Variants in CEMIP observed in about 807,000 individuals in gnomAD.
CEMIP encodes cell migration inducing hyaluronidase 1, also known as cell migration-inducing and hyaluronan-binding protein.
In CEMIP, 105 loss-of-function variants were observed where a neutral mutation model predicts 156.9. The ratio of observed to expected loss-of-function variants is 0.67; its 90% CI spans 0.57 to 0.79. The LOEUF (loss-of-function observed/expected upper bound fraction) is 0.79. CEMIP is among the 30% of genes least tolerant of loss of function. The pLI, the probability that CEMIP is intolerant of heterozygous loss-of-function variation, is 0.00. For synonymous variants in CEMIP, 676 were observed against 668.4 expected (o/e 1.01, Z -0.17); for missense variants, 1,457 against 1,769.4 (o/e 0.82, Z 3.17).
intron 12 of CEMIP, among the ~76,000 whole-genome samples, chr15:80,899,212 C>CAAA (rs761899088): frequency 3.9e-5 from 5 of 129,720 alleles, no homozygotes; most frequent in Non-Finnish European, 6.3e-5. Context: ...TACTCTGTCT[C>CAAA]AAAAAAAAAA....
chr15:80,868,678 C>A (rs1201470402), intron 1 of CEMIP, among the ~76,000 whole-genome samples: 3 of 152,218 alleles, frequency 2.0e-5, no homozygotes, highest in Non-Finnish European at 4.4e-5. Flanking sequence ...TTGTCACCTA[C>A]TTCCTGTGTG....
At chr15:80,796,094 T>G (rs1412516077) in intron 1 of CEMIP, among the ~76,000 whole-genome samples, 1 of 152,234 alleles carries the variant, frequency 6.6e-6, no homozygotes, top group Non-Finnish European at 1.5e-5. Context: ...TAGCATTTAA[T>G]AAGAGCTTAC....
chr15:80,901,397 A>G (rs1296616619), intron 12 of CEMIP, among the ~76,000 whole-genome samples: 1 of 152,116 alleles, frequency 6.6e-6, no homozygotes, highest in Non-Finnish European at 1.5e-5. Context: ...ATTGGATTAC[A>G]TTACGTTAAA....
intron 1 of CEMIP, among the ~76,000 whole-genome samples, chr15:80,832,460 A>G (rs906433): frequency 0.26 from 39,682 of 151,842 alleles, 5,225 homozygotes; most frequent in East Asian, 0.4. Flanking sequence ...GTAGATTTGC[A>G]AATCAGCAGG....
In CEMIP at chr15:80,879,738, C is replaced by G. The variant is rs769185497; in HGVS notation, c.264C>G (p.His88Gln). The G allele has an allele frequency of 1.9e-6, 3 of 1,614,088 alleles. No individual in the cohort carries two copies. The highest frequency in any genetic ancestry group is 1.3e-5 in the African/African-American group (1 of 74,926). The change falls in exon 5 of 30, where the codon CAC becomes CAG. Residue 88 changes from histidine (H) to glutamine (Q), a missense_variant. Coordinates refer to ENST00000394685, the MANE Select transcript of CEMIP (RefSeq NM_001293298.2). The stretch of plus-strand genomic sequence containing the variant: ...CAGGCAAGCTGGTCATTAAAGACCA[C>G]GACGAGCCGATTGTTTTGCGAACCC... ...SEGGKLVIKDHDEPIVLRTRH... is the reference protein window; with the variant it reads ...SEGGKLVIKDQDEPIVLRTRH...
At chr15:80,804,005 G>A (rs1448433531) in intron 1 of CEMIP, among the ~76,000 whole-genome samples, 1 of 152,234 alleles carries the variant, frequency 6.6e-6, no homozygotes, top group Non-Finnish European at 1.5e-5. Context: ...AGGCAAAGGA[G>A]AAGCAAAGGC....
intron 1 of CEMIP, among the ~76,000 whole-genome samples, chr15:80,846,688 C>T (rs1447154236): frequency 6.6e-6 from 1 of 152,134 alleles, no homozygotes; most frequent in Non-Finnish European, 1.5e-5. Context: ...CCGGTGGTCC[C>T]GATGCCACTA....
intron 14 of CEMIP, among the ~76,000 whole-genome samples, chr15:80,910,880 T>C (rs1346837121): frequency 6.6e-6 from 1 of 152,172 alleles, no homozygotes; most frequent in East Asian, 1.9e-4. Flanking sequence ...TGCTGGAAGA[T>C]GTAGGATTTT....
At chr15:80,826,447 T>C (rs1404040021) in intron 1 of CEMIP, among the ~76,000 whole-genome samples, 2 of 152,196 alleles carry the variant, frequency 1.3e-5, no homozygotes, top group Non-Finnish European at 2.9e-5. Context: ...TTAACACTTT[T>C]TGGTGCTGTC....
chr15:80,899,474 A>AGATG (rs1284206652), intron 12 of CEMIP, among the ~76,000 whole-genome samples: 1 of 152,240 alleles, frequency 6.6e-6, no homozygotes, highest in Non-Finnish European at 1.5e-5. Flanking sequence ...TGGCAAAGAC[A>AGATG]GATGGGCATG....
chr15:80,888,582 A>G, intron 8 of CEMIP, 119 bp from the exon 9 acceptor site: 1 of 744,076 alleles, frequency 1.3e-6, no homozygotes, highest in East Asian at 2.6e-5. Context: ...TACTTAAAAA[A>G]TATTTTTAAA....
intron 1 of CEMIP, among the ~76,000 whole-genome samples, chr15:80,848,771 G>A (rs559474059): frequency 6.6e-6 from 1 of 152,104 alleles, no homozygotes; most frequent in Admixed American, 6.5e-5. Flanking sequence ...CTGCAATGTG[G>A]GGTGCAGCTG....
At chr15:80,866,293 T>C (rs942073483) in intron 1 of CEMIP, among the ~76,000 whole-genome samples, 2 of 152,182 alleles carry the variant, frequency 1.3e-5, no homozygotes, top group Non-Finnish European at 2.9e-5. Flanking sequence ...AGGAAAAAGA[T>C]AATTTAAGAC....
chr15:80,895,503 G>T (rs1899188173), intron 11 of CEMIP, among the ~76,000 whole-genome samples: 1 of 152,168 alleles, frequency 6.6e-6, no homozygotes, highest in Non-Finnish European at 1.5e-5. Context: ...TCTCCAGAAG[G>T]CAGTCATTAG....
In CEMIP at chr15:80,909,448, G is replaced by T. The variant is rs1041408031; in HGVS notation, c.1797+142G>T. On this transcript the variant is annotated intron_variant, in intron 14 of 29. Transcript: ENST00000394685. The stretch of plus-strand genomic sequence containing the variant: ...TTCAGGTTTCAGAAAGATATCAACT[G>T]GGAGCAGATCACCAACCAAACAGGA... 7.1e-6 allele frequency: 6 copies of T among 848,668 alleles called. No homozygotes were observed. In the Admixed American group the frequency reaches 1.2e-4, roughly 17 times the overall value. 52.6% of individuals were successfully genotyped at this position (848,668 alleles called of 1,614,324 possible). A position where few individuals can be genotyped will look rare whatever the true frequency, so the allele number is the denominator to read the frequency against.
At chr15:80,782,509 C>G (rs72738209) in intron 1 of CEMIP, among the ~76,000 whole-genome samples, 6,642 of 152,286 alleles carry the variant, frequency 0.044, 219 homozygotes, top group Non-Finnish European at 0.062. Flanking sequence ...TTTCAGGGTT[C>G]TGTCTGGTAG....
chr15:80,818,626 C>T (rs978186240), intron 1 of CEMIP, among the ~76,000 whole-genome samples: 1 of 152,218 alleles, frequency 6.6e-6, no homozygotes, highest in Admixed American at 6.5e-5. Context: ...GTCAACTCCA[C>T]GATGTAGCAG....
intron 6 of CEMIP, 90 bp from the exon 7 acceptor site, chr15:80,884,085 G>A: frequency 7.9e-7 from 1 of 1,257,870 alleles, no homozygotes; most frequent in Non-Finnish European, 1.2e-6. Context: ...CGGATAGCAT[G>A]TTAGCTGTCG....
intron 1 of CEMIP, among the ~76,000 whole-genome samples, chr15:80,785,695 G>A (rs1895918075): frequency 6.6e-6 from 1 of 152,162 alleles, no homozygotes; most frequent in South Asian, 2.1e-4. Flanking sequence ...TTCAGCCAGA[G>A]GAGATCCAAG....
Sources: allele counts gnomAD v4.1 joint callset (sites outside exome capture counted in the v4.1 genomes callset), GRCh38; gene constraint gnomAD v4.1.1; transcripts MANE v1.5; gene names NCBI Gene and HGNC (gene_info 2026-07-23, HGNC 2026-07-21).